Variants in SRSF4 observed in about 807,000 individuals in gnomAD.
SRSF4 encodes the protein serine/arginine-rich splicing factor 4.
A neutral mutation model predicts 48.8 loss-of-function variants in SRSF4; 12 were observed. The observed-to-expected ratio is 0.25, with a 90% CI of 0.16 to 0.40. SRSF4 has a LOEUF of 0.40. Ranked by LOEUF, SRSF4 falls within the 10% of genes least tolerant of loss-of-function variation. The pLI, the probability that SRSF4 is intolerant of heterozygous loss-of-function variation, is 1.00. For missense variants in SRSF4, 466 were observed against 667.1 expected, an observed-to-expected ratio of 0.70 and a Z score of 3.32; for synonymous variants, 248 against 232.5, an observed-to-expected ratio of 1.07 and a Z score of -0.61.
In SRSF4 at chr1:29,181,789, C is replaced by A; in HGVS notation, c.-37G>T. 1 of 1,525,572 alleles carries A rather than the reference C, an allele frequency of 6.6e-7. No homozygotes were observed. The highest frequency in any genetic ancestry group is 1.4e-5 in the African/African-American group (1 of 70,262). The allele number at this position is 1,525,572 out of a possible 1,614,324, so 94.5% of individuals were successfully genotyped here. On this transcript the variant is annotated 5_prime_UTR_variant, in exon 1 of 6. Coordinates refer to ENST00000373795, the MANE Select transcript of SRSF4 (RefSeq NM_005626.5). ...CAGTGATGGCTGGCCCCGGCCCCAGCCCCCCTTAGGCGGCGGCGGGCAAAG... is the reference window on the plus strand; with the variant it reads ...CAGTGATGGCTGGCCCCGGCCCCAGACCCCCTTAGGCGGCGGCGGGCAAAG...
intron 1 of SRSF4, among the ~76,000 whole-genome samples, chr1:29,178,296 A>G (rs1302536239): frequency 6.6e-6 from 1 of 151,890 alleles, no homozygotes; most frequent in Admixed American, 6.6e-5. Context: ...TCTGAACTCC[A>G]GCAATTCTTC....
intron 3 of SRSF4, among the ~76,000 whole-genome samples, chr1:29,156,643 A>C (rs1487630169): frequency 6.6e-6 from 1 of 152,174 alleles, no homozygotes; most frequent in Non-Finnish European, 1.5e-5. Context: ...GAGAGCTAGG[A>C]AATCTGCTCA....
chr1:29,160,235 TAC>T (rs1672572952), intron 2 of SRSF4, 138 bp downstream of exon 2: 3 of 1,018,326 alleles, frequency 2.9e-6, no homozygotes, highest in Non-Finnish European at 4.1e-6. Flanking sequence ...TTTGTAATTC[TAC>T]ATTTTTAAAA....
At chr1:29,179,372 T>C (rs942780607) in intron 1 of SRSF4, among the ~76,000 whole-genome samples, 9 of 152,168 alleles carry the variant, frequency 5.9e-5, no homozygotes, top group African/African-American at 2.2e-4. Context: ...TTGTACTTAT[T>C]TTATTAGAGA....
intron 1 of SRSF4, among the ~76,000 whole-genome samples, chr1:29,166,295 G>A (rs1672668010): frequency 1.3e-5 from 2 of 152,124 alleles, no homozygotes; most frequent in African/African-American, 4.8e-5. Context: ...ACACTGATAG[G>A]ACAGTACTAA....
In SRSF4 at chr1:29,181,126, C is replaced by CA. The variant is rs547462496; in HGVS notation, c.107+519dup. Among the ~76,000 whole-genome samples the CA allele has an allele frequency of 2.1e-4, 32 of 152,300 alleles. 1 individual carries two copies. In the South Asian group the frequency reaches 6.2e-3, roughly 30 times the overall value. ...ACTACTCAAACTGGAGTCTCCCGCC[C>CA]AAAAAAGCGTGGCACACGGCTAAAA... On this transcript the variant is annotated intron_variant, in intron 1 of 5. Coordinates refer to ENST00000373795, the MANE Select transcript of SRSF4 (RefSeq NM_005626.5).
intron 1 of SRSF4, among the ~76,000 whole-genome samples, chr1:29,161,477 T>C (rs1327654297): frequency 6.6e-6 from 1 of 152,240 alleles, no homozygotes; most frequent in Non-Finnish European, 1.5e-5. Flanking sequence ...AGGCTGTGTG[T>C]ACACGGGCAC....
At chr1:29,179,697 A>G (rs919176661) in intron 1 of SRSF4, among the ~76,000 whole-genome samples, 30 of 152,178 alleles carry the variant, frequency 2.0e-4, no homozygotes, top group African/African-American at 6.8e-4. Context: ...GCTCTAATCT[A>G]TTCTTCAAAG....
chr1:29,181,319 G>A (rs1416811651), intron 1 of SRSF4, among the ~76,000 whole-genome samples: 1 of 152,188 alleles, frequency 6.6e-6, no homozygotes, highest in Non-Finnish European at 1.5e-5. Context: ...CCCCAGTTCC[G>A]GGCCTAGGAA....
chr1:29,159,458 T>C lies in SRSF4; in HGVS notation c.279A>G (p.Arg93=). The C allele has an allele frequency of 1.2e-6, 2 of 1,613,914 alleles. No homozygotes were observed. Among genetic ancestry groups the C allele is most frequent in the Admixed American group, 1.7e-5 (1 of 60,002 alleles). The part of the protein sequence containing the change: ...RSGYGYRRSG[R]DKYGPPTRTE... ...TGCGAGTAGGAGGGCCATATTTATC[T>C]CGGCCACTTCTTCTATAACCATATC... The change falls in exon 3 of 6, where the codon CGA becomes CGG. Residue 93 remains arginine, a synonymous_variant. Transcript: ENST00000373795.
At chr1:29,160,256 T>C (rs1209592554) in intron 2 of SRSF4, 119 bp downstream of exon 2, 2 of 1,208,204 alleles carry the variant, frequency 1.7e-6, no homozygotes, top group Non-Finnish European at 1.1e-6. Context: ...AAAAGATACA[T>C]AATTTACAAA....
chr1:29,148,266 C>T lies in SRSF4; in HGVS notation c.*144G>A, dbSNP rs1239172682. 8.4e-7 allele frequency: 1 copy of T among 1,188,644 alleles called. No individual in the cohort carries two copies. 73.6% of individuals were successfully genotyped at this position (1,188,644 alleles called of 1,614,324 possible). A position where few individuals can be genotyped will look rare whatever the true frequency, so the allele number is the denominator to read the frequency against. ...GCCAGGAGGCTTTACTGAGAGGAAGCACTTAGATTTAACAATTATAGACAC... is the reference window on the plus strand; with the variant it reads ...GCCAGGAGGCTTTACTGAGAGGAAGTACTTAGATTTAACAATTATAGACAC... On this transcript the variant is annotated 3_prime_UTR_variant, in exon 6 of 6. Coordinates refer to ENST00000373795, the MANE Select transcript of SRSF4 (RefSeq NM_005626.5).
At chr1:29,180,306 G>A (rs1026337597) in intron 1 of SRSF4, among the ~76,000 whole-genome samples, 91 of 152,256 alleles carry the variant, frequency 6.0e-4, no homozygotes, top group African/African-American at 1.8e-3. Flanking sequence ...ACGTCTACCC[G>A]CCACTTCAAT....
At chr1:29,156,032 C>CA (rs899309450) in intron 3 of SRSF4, among the ~76,000 whole-genome samples, 34 of 152,022 alleles carry the variant, frequency 2.2e-4, no homozygotes, top group African/African-American at 8.2e-4. Flanking sequence ...GACTCCATCT[C>CA]AAAAAACAAA....
Position 29,148,484 on chromosome 1 carries a change from G to A in SRSF4, c.1411C>T (p.Arg471Trp), listed in dbSNP as rs1672341325. The change falls in exon 6 of 6, where the codon CGG becomes TGG. Residue 471 changes from arginine (R) to tryptophan (W), a missense_variant. This residue lies in a region of SRSF4 where 402 missense variants were observed against 437.0 expected (regional missense o/e 0.92). Transcript: ENST00000373795. ...RSKSASKTRS[R>W]SKSRSRSASR... ...GCAGACCTGGATCTAGACTTGGACC[G>A]AGATCGGGTTTTTGAAGCTGACTTT... 6.8e-6 allele frequency: 11 copies of A among 1,614,056 alleles called. No individual in the cohort carries two copies. The highest frequency in any genetic ancestry group is 9.3e-6 in the Non-Finnish European group (11 of 1,179,960).
At position 29,150,150 on chromosome 1, in the gene SRSF4, T is replaced by G; in HGVS notation, c.621A>C (p.Arg207=). The stretch of plus-strand genomic sequence containing the variant: ...AATGACTGCTTTTGCTGCTGCCACT[T>G]CGGCTTCTGCTCTTACGGGAATGTC... ...RSRHSRKSRS[R]SGSSKSSHSK... is the part of the protein sequence containing the mutation. The change falls in exon 5 of 6, where the codon CGA becomes CGC. Residue 207 remains arginine, a synonymous_variant. Coordinates refer to ENST00000373795, the MANE Select transcript of SRSF4 (RefSeq NM_005626.5). 6.2e-7 allele frequency: 1 copy of G among 1,614,054 alleles called. No individual in the cohort carries two copies.
At chr1:29,181,282 T>C (rs922006878) in intron 1 of SRSF4, among the ~76,000 whole-genome samples, 31 of 152,160 alleles carry the variant, frequency 2.0e-4, no homozygotes, top group East Asian at 1.9e-4. Flanking sequence ...GCGGGAAAGG[T>C]TGGTGTCTAC....
chr1:29,158,092 C>T (rs972343263), intron 3 of SRSF4, among the ~76,000 whole-genome samples: 2 of 151,970 alleles, frequency 1.3e-5, no homozygotes, highest in African/African-American at 4.8e-5. Context: ...CTACTTGAAC[C>T]CCAGAGGCGG....
In SRSF4 at chr1:29,154,899, A is replaced by G; in HGVS notation, c.375T>C (p.Arg125=). ...CSWQDLKDYM[R]QAGEVTYADA... ...CTGCATAAGTCACTTCTCCTGCCTGACGCATATAATCCTGAAGAAAAAAAA... is the reference window on the plus strand; with the variant it reads ...CTGCATAAGTCACTTCTCCTGCCTGGCGCATATAATCCTGAAGAAAAAAAA... Residue 125 remains arginine, a synonymous_variant, in exon 4 of 6, where the codon CGT becomes CGC. Coordinates refer to ENST00000373795, the MANE Select transcript of SRSF4 (RefSeq NM_005626.5). The G allele has an allele frequency of 6.2e-7, 1 of 1,613,608 alleles. No individual in the cohort carries two copies. The highest frequency in any genetic ancestry group is 1.1e-5 in the South Asian group (1 of 90,936).
Sources: allele counts gnomAD v4.1 joint callset (sites outside exome capture counted in the v4.1 genomes callset), GRCh38; gene constraint gnomAD v4.1.1; regional missense constraint gnomAD v4.1.1; transcripts MANE v1.5; gene names NCBI Gene and HGNC (gene_info 2026-07-23, HGNC 2026-07-21).